Variants in PDZRN3 observed in about 807,000 individuals in gnomAD.
The protein encoded by PDZRN3 is E3 ubiquitin-protein ligase PDZRN3.
In PDZRN3, 38 loss-of-function variants were observed where a neutral mutation model predicts 85.7. The observed-to-expected ratio is 0.44, with a 90% confidence interval of 0.34 to 0.58. The LOEUF (loss-of-function observed/expected upper bound fraction) is 0.58, where lower values mean the gene tolerates loss of function less well. Among genes scored for constraint, PDZRN3 ranks in the 20% least tolerant of loss-of-function variants. The pLI is 0.01. For synonymous variants in PDZRN3, 759 were observed against 638.0 expected, an observed-to-expected ratio of 1.19 and a Z score of -2.86; for missense variants, 1,629 against 1,506.4, an observed-to-expected ratio of 1.08 and a Z score of -1.35.
At chr3:73,417,416 C>T (rs908098712) in intron 3 of PDZRN3, among the ~76,000 whole-genome samples, 3 of 152,222 alleles carry the variant, frequency 2.0e-5, no homozygotes, top group African/African-American at 7.2e-5. Flanking sequence ...GACAATTGAA[C>T]TATTCTGGAG....
intron 3 of PDZRN3, among the ~76,000 whole-genome samples, chr3:73,535,498 A>G (rs1704761496): frequency 6.6e-6 from 1 of 152,230 alleles, no homozygotes; most frequent in South Asian, 2.1e-4. Flanking sequence ...CAGCCAAGCC[A>G]TGGGCTATCA....
Position 73,382,673 on chromosome 3 carries a change from C to CT in PDZRN3, c.*691dup. On this transcript the variant is annotated 3_prime_UTR_variant, in exon 10 of 10. Transcript: ENST00000263666. Reference sequence around the variant, plus strand: ...CACAACTTTCCTGTACATGCAAATTCTTTCAATGGGCTGCAATATTTGCAA... The same window carrying CT: ...CACAACTTTCCTGTACATGCAAATTCTTTTCAATGGGCTGCAATATTTGCAA... 1 of 152,764 alleles carries CT rather than the reference C, an allele frequency of 6.5e-6. No homozygotes were observed. The highest frequency in any genetic ancestry group is 1.5e-5 in the Non-Finnish European group (1 of 68,036). The allele number at this position is 152,764 out of a possible 1,614,324, so 9.5% of individuals were successfully genotyped here. A position where few individuals can be genotyped will look rare whatever the true frequency, so the allele number is the denominator to read the frequency against.
chr3:73,513,564 C>T (rs1055074169), intron 3 of PDZRN3, among the ~76,000 whole-genome samples: 1 of 152,168 alleles, frequency 6.6e-6, no homozygotes, highest in Admixed American at 6.5e-5. Flanking sequence ...TTGTTCCTAA[C>T]TACAGCCACT....
chr3:73,467,029 G>A (rs1434236296), intron 3 of PDZRN3, among the ~76,000 whole-genome samples: 1 of 152,126 alleles, frequency 6.6e-6, no homozygotes, highest in Non-Finnish European at 1.5e-5. Flanking sequence ...GATACCCCCA[G>A]TTTATTGTCT....
At chr3:73,489,553 A>G (rs897712114) in intron 3 of PDZRN3, among the ~76,000 whole-genome samples, 4 of 127,136 alleles carry the variant, frequency 3.1e-5, no homozygotes, top group Non-Finnish European at 5.3e-5. Flanking sequence ...TGTCCTAGCC[A>G]TGCATATGGG....
intron 5 of PDZRN3, among the ~76,000 whole-genome samples, chr3:73,396,131 G>C (rs141482192): frequency 0.011 from 1,710 of 152,264 alleles, 24 homozygotes; most frequent in African/African-American, 0.039. Context: ...GCTGAGGCAG[G>C]TGAATTGCTT....
intron 3 of PDZRN3, among the ~76,000 whole-genome samples, chr3:73,530,510 T>C (rs1704627681): frequency 6.6e-6 from 1 of 152,168 alleles, no homozygotes; most frequent in Non-Finnish European, 1.5e-5. Context: ...AAAGTAACCA[T>C]TAAAGTGATC....
At chr3:73,395,649 T>A (rs1314654431) in intron 5 of PDZRN3, among the ~76,000 whole-genome samples, 1 of 152,234 alleles carries the variant, frequency 6.6e-6, no homozygotes, top group Non-Finnish European at 1.5e-5. Flanking sequence ...TTCAACTTAC[T>A]GGTCCAGGTT....
chr3:73,563,891 A>G (rs1002550899), intron 3 of PDZRN3, among the ~76,000 whole-genome samples: 1 of 152,238 alleles, frequency 6.6e-6, no homozygotes, highest in Non-Finnish European at 1.5e-5. Flanking sequence ...GTAGGACTTG[A>G]GGCAGGCTGG....
In PDZRN3 at chr3:73,397,486, T is replaced by C. The variant is rs566840970; in HGVS notation, c.1254+3436A>G. 2.6e-5 allele frequency among the ~76,000 whole-genome samples: 4 copies of C among 152,362 alleles called. No individual in the cohort carries two copies. In the East Asian group the frequency reaches 7.7e-4, roughly 29 times the overall value. On this transcript the variant is annotated intron_variant, in intron 5 of 9. Transcript: ENST00000263666. ...CGTGTAGAAGCAGGGATGACAGGCA[T>C]GTGCCAGTCTCCCTGAAAACTGGGC...
At position 73,600,597 on chromosome 3, in the gene PDZRN3, T is replaced by C. The variant is rs567160718; in HGVS notation, c.918+1757A>G. 1.5e-4 allele frequency among the ~76,000 whole-genome samples: 23 copies of C among 152,250 alleles called. No homozygotes were observed. The East Asian group carries it at 4.2e-3, about 28-fold the overall frequency. ...TTAATATTTTACATACTGTCCAAAATAGGAATGTGACTTACCAGAAACCGT... is the reference window on the plus strand; with the variant it reads ...TTAATATTTTACATACTGTCCAAAACAGGAATGTGACTTACCAGAAACCGT... On this transcript the variant is annotated intron_variant, in intron 3 of 9. Transcript: ENST00000263666.
intron 3 of PDZRN3, among the ~76,000 whole-genome samples, chr3:73,421,176 AGCCTACACT>A (rs938914145): frequency 1.7e-4 from 26 of 152,284 alleles, no homozygotes; most frequent in African/African-American, 6.0e-4. Flanking sequence ...CCACATAAAG[AGCCTACACT>A]GTGCCATACG....
At position 73,456,015 on chromosome 3, in the gene PDZRN3, T is replaced by C. The variant is rs112946925; in HGVS notation, c.919-51620A>G. 1.6e-3 allele frequency among the ~76,000 whole-genome samples: 245 copies of C among 152,320 alleles called. 1 individual carries two copies. The highest frequency in any genetic ancestry group is 5.6e-3 in the African/African-American group (233 of 41,558). ...ATAATAACCATTTCTTCTGGGTATC[T>C]TATAAAATAGTGGTAATGGTGGAAG... On this transcript the variant is annotated intron_variant, in intron 3 of 9. Transcript: ENST00000263666.
At chr3:73,397,119 C>A (rs986317474) in intron 5 of PDZRN3, among the ~76,000 whole-genome samples, 1 of 151,738 alleles carries the variant, frequency 6.6e-6, no homozygotes, top group Non-Finnish European at 1.5e-5. Context: ...ATGCAACCTC[C>A]GCCTCCTGGG....
intron 3 of PDZRN3, among the ~76,000 whole-genome samples, chr3:73,548,779 A>G (rs1352660086): frequency 6.6e-6 from 1 of 152,248 alleles, no homozygotes; most frequent in Non-Finnish European, 1.5e-5. Flanking sequence ...AGTGTGTCTG[A>G]GTCAAGAAAA....
chr3:73,600,642 G>A (rs1702503744), intron 3 of PDZRN3, among the ~76,000 whole-genome samples: 1 of 152,062 alleles, frequency 6.6e-6, no homozygotes. Flanking sequence ...TTCAAATACA[G>A]ATCATCCTTT....
At chr3:73,532,078 T>C (rs1223341246) in intron 3 of PDZRN3, among the ~76,000 whole-genome samples, 6 of 152,214 alleles carry the variant, frequency 3.9e-5, no homozygotes, top group Admixed American at 3.9e-4. Flanking sequence ...CTTGGCTCAC[T>C]GCAAGCTCTG....
intron 3 of PDZRN3, among the ~76,000 whole-genome samples, chr3:73,432,299 T>C (rs1054417790): frequency 3.3e-5 from 5 of 150,932 alleles, no homozygotes; most frequent in Admixed American, 1.3e-4. Flanking sequence ...AAAGCGCTTT[T>C]GCCCGAGATC....
At chr3:73,564,311 C>CT (rs1701899319) in intron 3 of PDZRN3, among the ~76,000 whole-genome samples, 1 of 152,194 alleles carries the variant, frequency 6.6e-6, no homozygotes, top group Non-Finnish European at 1.5e-5. Flanking sequence ...CCCTACCCTT[C>CT]TTTGTGTCCT....
Sources: gnomAD v4.1 joint callset for allele counts (sites outside exome capture counted in the v4.1 genomes callset) on GRCh38, gnomAD v4.1.1 for gene constraint, MANE v1.5 for transcripts, NCBI Gene and HGNC (gene_info 2026-07-23, HGNC 2026-07-21) for gene names.